MYO16: variants seen among roughly 807,000 people sequenced by gnomAD.
MYO16 encodes unconventional myosin-XVI.
MYO16 carries 94 observed loss-of-function variants against 205.3 expected under a neutral mutation model. That is an observed-to-expected ratio of 0.46 (90% CI 0.39 to 0.54). The LOEUF is 0.54. Ranked by LOEUF, MYO16 falls within the 20% of genes least tolerant of loss-of-function variation. The probability of loss-of-function intolerance (pLI) is 0.00; values close to 1 mark genes in which losing one functional copy is unlikely to be tolerated. For missense variants in MYO16, 2,315 were observed against 2,387.5 expected, an observed-to-expected ratio of 0.97 and a Z score of 0.63; for synonymous variants, 988 against 954.0, an observed-to-expected ratio of 1.04 and a Z score of -0.66.
At chr13:108,637,691 A>G (rs1273468247) in intron 1 of MYO16, among the ~76,000 whole-genome samples, 3 of 152,006 alleles carry the variant, frequency 2.0e-5, no homozygotes, top group South Asian at 2.1e-4. Context: ...CCTGACCAAC[A>G]TGGCAAAACC....
chr13:108,991,989 A>G (rs1228264310), intron 20 of MYO16, among the ~76,000 whole-genome samples: 1 of 152,194 alleles, frequency 6.6e-6, no homozygotes, highest in African/African-American at 2.4e-5. Flanking sequence ...GTAAACTTGC[A>G]TCATGGGAGT....
chr13:108,895,487 G>A (rs2139197299), intron 14 of MYO16, among the ~76,000 whole-genome samples: 1 of 152,338 alleles, frequency 6.6e-6, no homozygotes, highest in East Asian at 1.9e-4. Flanking sequence ...ACTCATGGAT[G>A]ACAACGTACA....
intron 2 of MYO16, among the ~76,000 whole-genome samples, chr13:108,697,320 C>T (rs1052011002): frequency 1.3e-5 from 2 of 152,202 alleles, no homozygotes; most frequent in Non-Finnish European, 2.9e-5. Flanking sequence ...CCACCCACTC[C>T]CCTCGACAGT....
At chr13:108,682,603 G>A (rs1388369610) in intron 2 of MYO16, among the ~76,000 whole-genome samples, 1 of 151,972 alleles carries the variant, frequency 6.6e-6, no homozygotes, top group African/African-American at 2.4e-5. Flanking sequence ...TTAACATCAA[G>A]GGGAAAGAAA....
chr13:108,663,550 A>C (rs1421788227), intron 1 of MYO16, among the ~76,000 whole-genome samples: 1 of 152,196 alleles, frequency 6.6e-6, no homozygotes, highest in African/African-American at 2.4e-5. Flanking sequence ...CTTAAAATTT[A>C]ACAATTATGG....
intron 4 of MYO16, 91 bp from the exon 5 acceptor site, chr13:108,785,544 T>A (rs146460957): frequency 4.5e-6 from 3 of 666,126 alleles, no homozygotes; most frequent in East Asian, 2.8e-5. Context: ...TATTTCTGCA[T>A]CTGTTTCCCA....
At chr13:109,110,859 T>C (rs1889263228) in intron 28 of MYO16, among the ~76,000 whole-genome samples, 1 of 152,198 alleles carries the variant, frequency 6.6e-6, no homozygotes, top group African/African-American at 2.4e-5. Flanking sequence ...ACTGAGCTTG[T>C]TGAAAGGATA....
At chr13:108,660,583 A>G (rs990085986) in intron 1 of MYO16, among the ~76,000 whole-genome samples, 3 of 152,148 alleles carry the variant, frequency 2.0e-5, no homozygotes, top group Non-Finnish European at 2.9e-5. Flanking sequence ...TTCGGATATA[A>G]GAATAGCCAC....
chr13:108,765,176 A>G (rs1885737690), intron 4 of MYO16, among the ~76,000 whole-genome samples: 1 of 152,076 alleles, frequency 6.6e-6, no homozygotes, highest in Non-Finnish European at 1.5e-5. Context: ...TTTCATATGC[A>G]TTTTCTGCAC....
At chr13:109,156,728 C>G (rs1170612931) in intron 32 of MYO16, among the ~76,000 whole-genome samples, 2 of 152,168 alleles carry the variant, frequency 1.3e-5, no homozygotes, top group South Asian at 2.1e-4. Context: ...CCACACAGTC[C>G]TGCCCTCTGC....
chr13:108,715,994 AC>A (rs1435272519), intron 3 of MYO16, among the ~76,000 whole-genome samples: 1 of 151,636 alleles, frequency 6.6e-6, no homozygotes, highest in African/African-American at 2.4e-5. Flanking sequence ...CATAGTGAAT[AC>A]TTGTCCAAGG....
chr13:109,014,151 TAAGG>T (rs1156945013), intron 22 of MYO16, among the ~76,000 whole-genome samples: 3 of 152,204 alleles, frequency 2.0e-5, no homozygotes, highest in Non-Finnish European at 2.9e-5. Flanking sequence ...GTATAAGGTG[TAAGG>T]AAGGGATCCA....
intron 28 of MYO16, among the ~76,000 whole-genome samples, chr13:109,116,059 A>T (rs1875663928): frequency 6.6e-6 from 1 of 152,238 alleles, no homozygotes; most frequent in Non-Finnish European, 1.5e-5. Flanking sequence ...CCACAAATAA[A>T]TTATATAGTA....
chr13:108,532,215 T>A, the MYO16 span, among the ~76,000 whole-genome samples: 2 of 150,698 alleles, frequency 1.3e-5, no homozygotes, highest in Admixed American at 1.3e-4. Flanking sequence ...CAAAAATAAA[T>A]AAATAAATAA....
intron 31 of MYO16, among the ~76,000 whole-genome samples, chr13:109,135,003 G>A (rs1463838478): frequency 1.3e-5 from 2 of 152,072 alleles, no homozygotes; most frequent in African/African-American, 4.8e-5. Context: ...GGGCCAGATC[G>A]CATCGTCTAA....
rs189740924 is a variant in MYO16 at position 109,090,424 on chromosome 13, A to G, written c.3336-10361A>G. On this transcript the variant is annotated intron_variant, in intron 27 of 34. Coordinates refer to ENST00000457511, the MANE Select transcript of MYO16 (RefSeq NM_001198950.3). ...TGGTGAGCTCTATGGCTGTGCGTCCACATGTCTGCTGACAGGCTCCAGTTC... is the reference window on the plus strand; with the variant it reads ...TGGTGAGCTCTATGGCTGTGCGTCCGCATGTCTGCTGACAGGCTCCAGTTC... Among the ~76,000 whole-genome samples, 373 of 152,344 alleles carry G rather than the reference A, an allele frequency of 2.4e-3. 1 individual carries two copies. The highest frequency in any genetic ancestry group is 8.6e-3 in the African/African-American group (356 of 41,578).
intron 2 of MYO16, among the ~76,000 whole-genome samples, chr13:108,688,212 C>A (rs1367055207): frequency 6.6e-6 from 1 of 151,738 alleles, no homozygotes; most frequent in Non-Finnish European, 1.5e-5. Flanking sequence ...AATTTTTTTC[C>A]CCATGTAAAA....
At chr13:108,842,337 TA>T (rs1172966922) in intron 9 of MYO16, among the ~76,000 whole-genome samples, 3 of 152,088 alleles carry the variant, frequency 2.0e-5, no homozygotes, top group Non-Finnish European at 4.4e-5. Flanking sequence ...TATATACATA[TA>T]TGTGCATATG....
At chr13:108,684,212 C>A (rs947691318) in intron 2 of MYO16, among the ~76,000 whole-genome samples, 4 of 152,166 alleles carry the variant, frequency 2.6e-5, no homozygotes, top group South Asian at 4.1e-4. Flanking sequence ...GAGGGGTGTG[C>A]AGGCTGGATT....
Sources: allele counts gnomAD v4.1 joint callset (sites outside exome capture counted in the v4.1 genomes callset), GRCh38; gene constraint gnomAD v4.1.1; transcripts MANE v1.5; gene names NCBI Gene and HGNC (gene_info 2026-07-23, HGNC 2026-07-21).